The following PLXDC2 variants were observed in gnomAD, a reference collection of about 807,000 sequenced individuals.
PLXDC2 encodes plexin domain-containing protein 2.
A neutral mutation model predicts 68.9 loss-of-function variants in PLXDC2; 40 were observed. The observed-to-expected ratio is 0.58, with a 90% CI of 0.45 to 0.76. The LOEUF (loss-of-function observed/expected upper bound fraction) is 0.76, where lower values mean the gene tolerates loss of function less well. Among genes scored for constraint, PLXDC2 ranks in the 30% least tolerant of loss-of-function variants. The probability of loss-of-function intolerance (pLI) is 0.00; values close to 1 mark genes in which losing one functional copy is unlikely to be tolerated. For missense variants in PLXDC2, 644 were observed against 661.9 expected (o/e 0.97, Z 0.30); for synonymous variants, 243 against 234.2 (o/e 1.04, Z -0.34).
At chr10:19,835,004 T>G (rs943623594) in intron 1 of PLXDC2, among the ~76,000 whole-genome samples, 5 of 151,814 alleles carry the variant, frequency 3.3e-5, no homozygotes, top group Non-Finnish European at 7.4e-5. Context: ...GCATTTGAAG[T>G]GTGAGTGGCA....
At chr10:19,917,925 C>T (rs186986740) in intron 1 of PLXDC2, among the ~76,000 whole-genome samples, 48 of 152,296 alleles carry the variant, frequency 3.2e-4, no homozygotes, top group African/African-American at 1.1e-3. Flanking sequence ...TTGCAAAGTT[C>T]ACAGCACACA....
intron 1 of PLXDC2, among the ~76,000 whole-genome samples, chr10:19,861,474 C>CT (rs1422769727): frequency 1.3e-5 from 2 of 152,104 alleles, no homozygotes; most frequent in Non-Finnish European, 2.9e-5. Flanking sequence ...AGTTTAATGT[C>CT]TCCCTAGCCA....
At chr10:20,182,268 T>G (rs1834616089) in intron 9 of PLXDC2, among the ~76,000 whole-genome samples, 1 of 151,944 alleles carries the variant, frequency 6.6e-6, no homozygotes, top group Admixed American at 6.6e-5. Context: ...TACCACCACC[T>G]TATGTAGCAA....
chr10:20,097,117 A>C (rs1833360010), intron 4 of PLXDC2, among the ~76,000 whole-genome samples: 1 of 152,162 alleles, frequency 6.6e-6, no homozygotes, highest in Admixed American at 6.6e-5. Flanking sequence ...GAATTGATCT[A>C]GAGGCATTTG....
intron 1 of PLXDC2, among the ~76,000 whole-genome samples, chr10:19,965,368 C>T (rs766368582): frequency 1.3e-5 from 2 of 152,150 alleles, no homozygotes; most frequent in African/African-American, 2.4e-5. Flanking sequence ...GGACTATTGG[C>T]CATTTTTTGG....
At chr10:19,931,385 T>G (rs958326873) in intron 1 of PLXDC2, among the ~76,000 whole-genome samples, 1 of 152,210 alleles carries the variant, frequency 6.6e-6, no homozygotes, top group Non-Finnish European at 1.5e-5. Context: ...GTCCTTAAGC[T>G]TCAGCCCAAC....
chr10:20,108,443 T>C (rs1210833068), intron 4 of PLXDC2, among the ~76,000 whole-genome samples: 1 of 152,136 alleles, frequency 6.6e-6, no homozygotes, highest in Non-Finnish European at 1.5e-5. Context: ...ACAGAAATAA[T>C]AGCATTTTTT....
chr10:20,201,179 A>C (rs530139475), intron 9 of PLXDC2, among the ~76,000 whole-genome samples: 4 of 152,268 alleles, frequency 2.6e-5, no homozygotes, highest in Admixed American at 2.6e-4. Flanking sequence ...ATATATATAC[A>C]CAATAGAATA....
intron 3 of PLXDC2, among the ~76,000 whole-genome samples, chr10:20,065,856 G>A (rs570997684): frequency 2.6e-5 from 4 of 152,342 alleles, no homozygotes; most frequent in African/African-American, 9.6e-5. Flanking sequence ...AAATACTGAC[G>A]AAGCTTCCCT....
At chr10:19,965,478 T>G (rs1171189561) in intron 1 of PLXDC2, among the ~76,000 whole-genome samples, 1 of 152,168 alleles carries the variant, frequency 6.6e-6, no homozygotes, top group African/African-American at 2.4e-5. Flanking sequence ...TATAACTTAC[T>G]TTCACATCAC....
intron 12 of PLXDC2, among the ~76,000 whole-genome samples, chr10:20,234,136 C>T (rs1835401213): frequency 6.6e-6 from 1 of 152,156 alleles, no homozygotes; most frequent in African/African-American, 2.4e-5. Context: ...CAGCAAATCA[C>T]AGAGTTTTAA....
chr10:20,238,637 C>G (rs1267143813), intron 12 of PLXDC2, among the ~76,000 whole-genome samples: 3 of 45,094 alleles, frequency 6.7e-5, no homozygotes, highest in Admixed American at 5.7e-4. Flanking sequence ...AGAGTGAGAA[C>G]AGAGAAAGAC....
chr10:20,100,645 A>G (rs1428379831), intron 4 of PLXDC2, among the ~76,000 whole-genome samples: 1 of 152,196 alleles, frequency 6.6e-6, no homozygotes, highest in Non-Finnish European at 1.5e-5. Flanking sequence ...CTTGGCCTGC[A>G]GAGTAATTGA....
chr10:20,119,223 G>A (rs1833662167), intron 4 of PLXDC2, among the ~76,000 whole-genome samples: 1 of 152,190 alleles, frequency 6.6e-6, no homozygotes, highest in Non-Finnish European at 1.5e-5. Flanking sequence ...TCTGTGTGAA[G>A]AGACCACCAA....
chr10:20,255,491 G>C (rs1835731644), intron 13 of PLXDC2, among the ~76,000 whole-genome samples: 1 of 151,972 alleles, frequency 6.6e-6, no homozygotes, highest in Non-Finnish European at 1.5e-5. Context: ...CCTTTCTATT[G>C]TGAAAACAAA....
At chr10:19,952,881 A>T (rs888380637) in intron 1 of PLXDC2, among the ~76,000 whole-genome samples, 1 of 152,096 alleles carries the variant, frequency 6.6e-6, no homozygotes, top group African/African-American at 2.4e-5. Flanking sequence ...AACCTAAGGA[A>T]AAGTAATTTT....
chr10:20,072,731 G>C (rs556007598), intron 4 of PLXDC2, among the ~76,000 whole-genome samples: 2 of 152,242 alleles, frequency 1.3e-5, no homozygotes, highest in South Asian at 4.1e-4. Context: ...AACTAGGATG[G>C]GTGCAGTGGG....
At chr10:20,163,546 A>G (rs1834334736) in intron 6 of PLXDC2, among the ~76,000 whole-genome samples, 3 of 152,114 alleles carry the variant, frequency 2.0e-5, no homozygotes, top group Non-Finnish European at 4.4e-5. Context: ...TTGCCCACAG[A>G]TCACCCAAAA....
chr10:19,819,134 C>T (rs904038800), intron 1 of PLXDC2, among the ~76,000 whole-genome samples: 1 of 151,566 alleles, frequency 6.6e-6, no homozygotes, highest in African/African-American at 2.4e-5. Flanking sequence ...GTAAGATTGG[C>T]CATATAATTA....
Sources: gnomAD v4.1 joint callset for allele counts (sites outside exome capture counted in the v4.1 genomes callset) on GRCh38, gnomAD v4.1.1 for gene constraint, MANE v1.5 for transcripts, NCBI Gene and HGNC (gene_info 2026-07-23, HGNC 2026-07-21) for gene names.